DISP3: variants seen among roughly 807,000 people sequenced by gnomAD.
DISP3 encodes dispatched RND transporter family member 3, also known as protein dispatched homolog 3.
A neutral mutation model predicts 135.3 loss-of-function variants in DISP3; 101 were observed. The observed-to-expected ratio is 0.75, with a 90% CI of 0.64 to 0.88. The LOEUF (loss-of-function observed/expected upper bound fraction) is 0.88, where lower values mean the gene tolerates loss of function less well. Ranked by LOEUF, DISP3 falls within the 40% of genes least tolerant of loss-of-function variation. The pLI is 0.00. For missense variants in DISP3, 1,713 were observed against 1,878.6 expected (o/e 0.91, Z 1.63); for synonymous variants, 856 against 817.0 (o/e 1.05, Z -0.81).
At position 11,516,587 on chromosome 1, in the gene DISP3, T is replaced by C. The variant is rs1642018606; in HGVS notation, c.1749+426T>C. Among the ~76,000 whole-genome samples, 1 of 152,204 alleles carries C rather than the reference T, an allele frequency of 6.6e-6. No individual in the cohort carries two copies. Among genetic ancestry groups the C allele is most frequent in the Non-Finnish European group, 1.5e-5 (1 of 68,020 alleles). On this transcript the variant is annotated intron_variant, in intron 6 of 20. Coordinates refer to ENST00000294484, the MANE Select transcript of DISP3 (RefSeq NM_020780.2). The surrounding 1 kb of genome is among the most constrained non-coding windows in gnomAD (Gnocchi z 5.1). ...AGAAGCCTGACCAAGTCCATAGTGA[T>C]TCCCCTTCTGCCTGCTTCTGGCTGC...
chr1:11,509,708 TTTGGTTCATG>T (rs1330754422), intron 3 of DISP3, among the ~76,000 whole-genome samples: 1 of 152,224 alleles, frequency 6.6e-6, no homozygotes, highest in East Asian at 1.9e-4. Flanking sequence ...CAGCTTCTTT[TTTGGTTCATG>T]TTAGCATGGT....
rs560881395 is a variant in DISP3 at position 11,499,099 on chromosome 1, T to C, written c.-3-1891T>C. Among the ~76,000 whole-genome samples the C allele has an allele frequency of 6.6e-5, 10 of 152,258 alleles. No individual in the cohort carries two copies. Among genetic ancestry groups the C allele is most frequent in the African/African-American group, 2.4e-4 (10 of 41,550 alleles). ...GCAAGGACTTGCATGATGAATTCAATGTGGACCCCTAGGGGACGGGGATGG... is the reference window on the plus strand; with the variant it reads ...GCAAGGACTTGCATGATGAATTCAACGTGGACCCCTAGGGGACGGGGATGG... On this transcript the variant is annotated intron_variant, in intron 1 of 20. Coordinates refer to ENST00000294484, the MANE Select transcript of DISP3 (RefSeq NM_020780.2). The surrounding 1 kb of genome is among the most constrained non-coding windows in gnomAD (Gnocchi z 5.2).
intron 13 of DISP3, among the ~76,000 whole-genome samples, chr1:11,527,963 T>C (rs1440927768): frequency 6.6e-6 from 1 of 152,160 alleles, no homozygotes. Flanking sequence ...GTTACCTGTC[T>C]TCCCACAGGA....
Position 11,535,644 on chromosome 1 carries a change from G to T in DISP3, c.3816G>T (p.Glu1272Asp). Reference sequence around the variant, plus strand: ...AGAACCTGCCCCCCCACCAGGCCGAGGTGCGCACCCTGCCCGCCTTACCCA... The same window carrying T: ...AGAACCTGCCCCCCCACCAGGCCGATGTGCGCACCCTGCCCGCCTTACCCA... ...AGENLPPHQA[E>D]DARTQRQWRT... is the part of the protein sequence containing the mutation. The change falls in exon 20 of 21, where the codon GAG (glutamate) becomes GAT (aspartate). Residue 1272 changes from glutamate to aspartate, a missense_variant and splice_region_variant. By Grantham distance (45) the Glu-to-Asp change is conservative. This residue lies in a region of DISP3 where 1,142 missense variants were observed against 1,384.6 expected (regional missense o/e 0.82). Transcript: ENST00000294484. The T allele has an allele frequency of 6.2e-7, 1 of 1,610,650 alleles. No homozygotes were observed.
intron 13 of DISP3, among the ~76,000 whole-genome samples, chr1:11,528,688 G>A (rs1366924291): frequency 7.2e-5 from 11 of 151,936 alleles, no homozygotes; most frequent in South Asian, 2.1e-4. Context: ...TCGGTGATAC[G>A]CGGGGACTGT....
At position 11,519,451 on chromosome 1, in the gene DISP3, C is replaced by G. The variant is rs755313631; in HGVS notation, c.1986C>G (p.Pro662=). The G allele has an allele frequency of 6.2e-7, 1 of 1,613,802 alleles. No individual in the cohort carries two copies. ...TTGGAGGCAGCCCTGCCCAGGGCCC[C>G]ATACCCTACCTGGATGATGACATCC... is the stretch of plus-strand genomic sequence containing the variant. ...EQVGGSPAQG[P]IPYLDDDIPL... Residue 662 remains proline, a synonymous_variant, in exon 8 of 21, where the codon CCC becomes CCG. Transcript: ENST00000294484. This position sits in a 1 kb window ranked among gnomAD's most constrained non-coding sequence, Gnocchi z 4.3.
rs74865490 is a variant in DISP3 at position 11,524,595 on chromosome 1, C to T, written c.2476+540C>T. ...CCATCCCAGTGACTACCACCTCCCC[C>T]ACCATCCCTACCACCCCATCCAGTG... On this transcript the variant is annotated intron_variant, in intron 11 of 20. Transcript: ENST00000294484. Among the ~76,000 whole-genome samples, 1,046 of 150,656 alleles carry T rather than the reference C, an allele frequency of 6.9e-3. 9 individuals carry two copies. Among genetic ancestry groups the T allele is most frequent in the African/African-American group, 0.025 (1,008 of 40,890 alleles).
In DISP3 at chr1:11,515,386, G is replaced by A; in HGVS notation, c.1471G>A (p.Gly491Arg). Residue 491 changes from glycine (G) to arginine (R), a missense_variant, in exon 5 of 21, where the codon GGG (glycine) becomes AGG (arginine). By Grantham distance (125) the Gly-to-Arg change is moderately radical. This residue lies in a region of DISP3 where 1,142 missense variants were observed against 1,384.6 expected (regional missense o/e 0.82). Transcript: ENST00000294484. ...CTGCCCAGTGTTCCTGTCCTTCTTTGGGATTGCCAGCATTGGTCTCAGCTG... is the reference window on the plus strand; with the variant it reads ...CTGCCCAGTGTTCCTGTCCTTCTTTAGGATTGCCAGCATTGGTCTCAGCTG... ...TSCSVFLSFF[G>R]IASIGLSCLV... is the part of the protein sequence containing the mutation. 6.2e-7 allele frequency: 1 copy of A among 1,614,196 alleles called. No homozygotes were observed. The highest frequency in any genetic ancestry group is 1.1e-5 in the South Asian group (1 of 91,084).
chr1:11,494,725 C>A (rs1201797283), intron 1 of DISP3, among the ~76,000 whole-genome samples: 1 of 152,160 alleles, frequency 6.6e-6, no homozygotes, highest in African/African-American at 2.4e-5. Flanking sequence ...ACATCCTGAG[C>A]CAGGAAGAAA....
intron 13 of DISP3, among the ~76,000 whole-genome samples, chr1:11,527,872 G>A (rs1386347864): frequency 6.6e-6 from 1 of 152,152 alleles, no homozygotes; most frequent in Non-Finnish European, 1.5e-5. Flanking sequence ...CCCTCTCCAA[G>A]TGCCACATCC....
intron 1 of DISP3, among the ~76,000 whole-genome samples, chr1:11,480,200 G>A (rs910709840): frequency 6.6e-6 from 1 of 152,140 alleles, no homozygotes; most frequent in African/African-American, 2.4e-5. Flanking sequence ...CCAGCTTCCC[G>A]CTGTCCCCCA....
At position 11,522,826 on chromosome 1, in the gene DISP3, A is replaced by G. The variant is rs368742872; in HGVS notation, c.2363-1116A>G. Among the ~76,000 whole-genome samples the G allele has an allele frequency of 7.1e-3, 376 of 52,966 alleles. 3 individuals are homozygous for G. The highest frequency in any genetic ancestry group is 9.2e-3 in the African/African-American group (150 of 16,386). The allele number at this position is 52,966 out of a possible 152,430, so 34.7% of individuals were successfully genotyped here. A position where few individuals can be genotyped will look rare whatever the true frequency, so the allele number is the denominator to read the frequency against. On this transcript the variant is annotated intron_variant, in intron 10 of 20. Transcript: ENST00000294484. The stretch of plus-strand genomic sequence containing the variant: ...CAGGACCCAGCCAGGACCCAGCCAG[A>G]GCCCAGCCAGGACCCAGCCAGAGCC...
At position 11,526,818 on chromosome 1, in the gene DISP3, G is replaced by A; in HGVS notation, c.2781G>A (p.Lys927=). The change falls in exon 13 of 21, where the codon AAG becomes AAA. Residue 927 remains lysine (K), a synonymous_variant. Transcript: ENST00000294484. ...ACTTCAGCTTCTACGTGGCCACCAA[G>A]GAGCAGCAGCACACCCGGTAACAGA... ...KFDFSFYVAT[K]EQQHTRKLYF... The A allele has an allele frequency of 6.2e-7, 1 of 1,606,176 alleles. No homozygotes were observed. The highest frequency in any genetic ancestry group is 8.5e-7 in the Non-Finnish European group (1 of 1,179,584).
intron 18 of DISP3, 174 bp from the exon 19 acceptor site, chr1:11,534,837 G>T: frequency 5.1e-6 from 4 of 782,874 alleles, no homozygotes; most frequent in Non-Finnish European, 8.7e-6. Context: ...CGGGCTGAGG[G>T]CCTGACCTGT....
At chr1:11,507,022 G>A (rs1473316873) in intron 3 of DISP3, among the ~76,000 whole-genome samples, 1 of 152,024 alleles carries the variant, frequency 6.6e-6, no homozygotes, top group East Asian at 1.9e-4. Flanking sequence ...TGCCCACACT[G>A]GTCTCAAACT....
chr1:11,517,619 C>T lies in DISP3; in HGVS notation c.1889+17C>T. The T allele has an allele frequency of 3.7e-6, 6 of 1,611,474 alleles. No individual in the cohort carries two copies. Among genetic ancestry groups the T allele is most frequent in the Non-Finnish European group, 5.1e-6 (6 of 1,179,824 alleles). Reference sequence around the variant, plus strand: ...CCAGACCAGGTAAGTCGGGCAGGGCCTCCACCCACAGCAGGGTATCCACAA... The same window carrying T: ...CCAGACCAGGTAAGTCGGGCAGGGCTTCCACCCACAGCAGGGTATCCACAA... On this transcript the variant is annotated intron_variant, in intron 7 of 20. Coordinates refer to ENST00000294484, the MANE Select transcript of DISP3 (RefSeq NM_020780.2).
intron 6 of DISP3, 65 bp from the exon 7 acceptor site, chr1:11,517,398 G>C: frequency 6.3e-7 from 1 of 1,591,790 alleles, no homozygotes; most frequent in Admixed American, 1.7e-5. Flanking sequence ...GCTGCAGGGG[G>C]CACCCAGGCC....
chr1:11,534,975 C>T (rs747791098), intron 18 of DISP3, 36 bp from the exon 19 acceptor site: 5 of 1,530,650 alleles, frequency 3.3e-6, no homozygotes, highest in Non-Finnish European at 4.4e-6. Flanking sequence ...CGACCGCCCA[C>T]ACAGCAGCGC....
chr1:11,533,344 C>T (rs550213500), intron 17 of DISP3, among the ~76,000 whole-genome samples: 2 of 151,382 alleles, frequency 1.3e-5, no homozygotes, highest in African/African-American at 2.4e-5. Flanking sequence ...CAACCTCCGC[C>T]TCCCAGGTTC....
Sources: gnomAD v4.1 joint callset for allele counts (sites outside exome capture counted in the v4.1 genomes callset) on GRCh38, gnomAD v4.1.1 for gene constraint, gnomAD v4.1.1 regional missense constraint, Gnocchi (gnomAD v3.1) non-coding constraint, MANE v1.5 for transcripts, NCBI Gene and HGNC (gene_info 2026-07-23, HGNC 2026-07-21) for gene names.